Variants in SDK2 observed in about 807,000 individuals in gnomAD.
SDK2 encodes the protein protein sidekick-2.
Under a neutral mutation model 253.9 loss-of-function variants are expected in SDK2, and 105 were observed. That is an observed-to-expected ratio of 0.41 (90% CI 0.35 to 0.49). The LOEUF (loss-of-function observed/expected upper bound fraction) is 0.49. SDK2 is among the 20% of genes least tolerant of loss of function. SDK2 has a pLI of 0.06. For missense variants in SDK2, 2,608 were observed against 3,003.0 expected (o/e 0.87, Z 3.07); for synonymous variants, 1,249 against 1,234.9 (o/e 1.01, Z -0.24).
rs141364996 is a variant in SDK2, at chr17:73,552,600, T to C, written c.65-45003A>G. Among the ~76,000 whole-genome samples the C allele has an allele frequency of 6.0e-3, 918 of 152,172 alleles. 9 individuals are homozygous for C. The highest frequency in any genetic ancestry group is 0.02 in the African/African-American group (842 of 41,504). On this transcript the variant is annotated intron_variant, in intron 1 of 44. Coordinates refer to ENST00000392650, the MANE Select transcript of SDK2 (RefSeq NM_001144952.2). ...GATTAGCTTCTCGGCACTCAAGAAG[T>C]ACGTACGAGCATCACGCCCACTTGA...
chr17:73,383,840 T>C lies in SDK2; in HGVS notation c.4705+36A>G. ...GGGAAGGTGAGGGTGACCGCCCCCA[T>C]CCCACCCATTCCTCTGGCTCCCAAG... On this transcript the variant is annotated intron_variant, in intron 33 of 44. Coordinates refer to ENST00000392650, the MANE Select transcript of SDK2 (RefSeq NM_001144952.2). The surrounding 1 kb of genome is among the most constrained non-coding windows in gnomAD (Gnocchi z 4.3). 6.2e-7 allele frequency: 1 copy of C among 1,611,322 alleles called. No individual in the cohort carries two copies. Among genetic ancestry groups the C allele is most frequent in the South Asian group, 1.1e-5 (1 of 90,978 alleles).
At chr17:73,461,293 A>G (rs540664440) in intron 3 of SDK2, among the ~76,000 whole-genome samples, 7 of 152,352 alleles carry the variant, frequency 4.6e-5, no homozygotes, top group Non-Finnish European at 1.0e-4. Flanking sequence ...GTAGGCACTG[A>G]AGGAAGACCT....
Position 73,435,762 on chromosome 17 carries a change from G to C in SDK2, c.1001-118C>G, listed in dbSNP as rs944546701. 4 of 932,186 alleles carry C rather than the reference G, an allele frequency of 4.3e-6. No homozygotes were observed. The highest frequency in any genetic ancestry group is 2.6e-5 in the Admixed American group (1 of 38,484). The allele number at this position is 932,186 out of a possible 1,614,324, so 57.7% of individuals were successfully genotyped here. On this transcript the variant is annotated intron_variant, in intron 8 of 44. Coordinates refer to ENST00000392650, the MANE Select transcript of SDK2 (RefSeq NM_001144952.2). This position sits in a 1 kb window ranked among gnomAD's most constrained non-coding sequence, Gnocchi z 5.7. The stretch of plus-strand genomic sequence containing the variant: ...GCGAGGGGGTCCCTGGTGAATCTTG[G>C]TGTCTAGAACCTTCTCAGAGGTGCC...
At chr17:73,345,967 G>A (rs1346376817) in intron 44 of SDK2, among the ~76,000 whole-genome samples, 5 of 152,188 alleles carry the variant, frequency 3.3e-5, no homozygotes, top group African/African-American at 1.2e-4. Context: ...AGCATTTTGT[G>A]AGGCCGAGGT....
chr17:73,404,438 A>T (rs1038694931), intron 18 of SDK2, among the ~76,000 whole-genome samples: 3 of 152,192 alleles, frequency 2.0e-5, no homozygotes, highest in Non-Finnish European at 4.4e-5. Flanking sequence ...CTCAACACAC[A>T]ACAGGGCTTC....
chr17:73,485,834 T>C (rs1279576474), intron 2 of SDK2, among the ~76,000 whole-genome samples: 1 of 152,234 alleles, frequency 6.6e-6, no homozygotes, highest in Non-Finnish European at 1.5e-5. Context: ...CTGTGTGGCC[T>C]GTGAACCCTC....
At position 73,383,770 on chromosome 17, in the gene SDK2, A is replaced by G. The variant is rs75729034; in HGVS notation, c.4705+106T>C. On this transcript the variant is annotated intron_variant, in intron 33 of 44. Coordinates refer to ENST00000392650, the MANE Select transcript of SDK2 (RefSeq NM_001144952.2). This position sits in a 1 kb window ranked among gnomAD's most constrained non-coding sequence, Gnocchi z 4.3. ...GAGGCACACATGGAGGAGGGAGGCA[A>G]GGTTTCAGGTTAGAGTGGTTCCAGG... 6,228 of 1,396,528 alleles carry G rather than the reference A, an allele frequency of 4.5e-3. 170 individuals carry two copies. The East Asian group carries it at 0.079, about 18-fold the overall frequency. 86.5% of individuals were successfully genotyped at this position (1,396,528 alleles called of 1,614,324 possible). A position where few individuals can be genotyped will look rare whatever the true frequency, so the allele number is the denominator to read the frequency against.
chr17:73,537,166 C>T (rs2044789229), intron 1 of SDK2, among the ~76,000 whole-genome samples: 1 of 152,200 alleles, frequency 6.6e-6, no homozygotes, highest in Non-Finnish European at 1.5e-5. Context: ...AATACTCAGC[C>T]GCAGATATTA....
At chr17:73,588,342 G>A (rs2045633408) in intron 1 of SDK2, among the ~76,000 whole-genome samples, 1 of 142,276 alleles carries the variant, frequency 7.0e-6, no homozygotes, top group African/African-American at 2.7e-5. Flanking sequence ...AGCCGAGATC[G>A]CGCCTTTGCA....
chr17:73,422,193 A>T, intron 15 of SDK2, 94 bp downstream of exon 15: 1 of 1,409,118 alleles, frequency 7.1e-7, no homozygotes, highest in Admixed American at 2.0e-5. Context: ...GGGGGCCAGG[A>T]GGAGCTGAGC....
Position 73,401,143 on chromosome 17 carries a change from T to A in SDK2, c.2848A>T (p.Thr950Ser). ...AGGCCCGTGACACGGTACTCCAGGG[T>A]CACGTTGGGCAGGTAGTGGGTCACA... ...TRVTHYLPNV[T>S]LEYRVTGLTA... The change falls in exon 21 of 45, where the codon ACC (threonine) becomes TCC (serine). Residue 950 changes from threonine (T) to serine (S), a missense_variant. Thr to Ser is a moderately conservative substitution (Grantham distance 58, BLOSUM62 1). Transcript: ENST00000392650. The A allele has an allele frequency of 6.4e-7, 1 of 1,560,764 alleles. No homozygotes were observed. Among genetic ancestry groups the A allele is most frequent in the Non-Finnish European group, 8.7e-7 (1 of 1,152,322 alleles).
At chr17:73,595,342 G>A (rs2045742010) in intron 1 of SDK2, among the ~76,000 whole-genome samples, 1 of 152,134 alleles carries the variant, frequency 6.6e-6, no homozygotes, top group Non-Finnish European at 1.5e-5. Flanking sequence ...CGTTTGTGGT[G>A]AGACTCTCTT....
intron 1 of SDK2, among the ~76,000 whole-genome samples, chr17:73,593,081 C>A (rs1470312825): frequency 6.6e-6 from 1 of 152,104 alleles, no homozygotes; most frequent in East Asian, 1.9e-4. Context: ...TGTTTCTAAG[C>A]TTACCGCGCA....
chr17:73,518,474 G>C (rs998100714), intron 1 of SDK2: 1 of 152,238 alleles, frequency 6.6e-6, no homozygotes, highest in Non-Finnish European at 1.5e-5. Context: ...GCTTGGTGCA[G>C]CCTCTGCAAG....
chr17:73,392,643 T>TATTTA (rs148397224), intron 27 of SDK2, among the ~76,000 whole-genome samples: 5,350 of 152,208 alleles, frequency 0.035, 268 homozygotes, highest in African/African-American at 0.11. Flanking sequence ...GGATAGAACA[T>TATTTA]ATTTAACGGT....
Position 73,472,166 on chromosome 17 carries a change from C to A in SDK2, c.277G>T (p.Val93Leu). ...AGCAGGGCCCCCATTCGGTTCCGCA[C>A]GATGCAACGGTAAAAGCCAGCGTGG... The part of the protein sequence containing the change: ...RTHAGFYRCI[V>L]RNRMGALLQR... Residue 93 changes from valine (V) to leucine (L), a missense_variant, in exon 3 of 45, where the codon GTG becomes TTG. Transcript: ENST00000392650. 6.4e-7 allele frequency: 1 copy of A among 1,551,664 alleles called. No individual in the cohort carries two copies. Among genetic ancestry groups the A allele is most frequent in the Non-Finnish European group, 8.7e-7 (1 of 1,146,998 alleles).
chr17:73,644,190 G>T lies in SDK2; in HGVS notation c.-102C>A. ...CCCCGTGGCTTAGTCCCAGGAAACAGTCAGTCTACGCGGCTCCGTGCCCCG... is the reference window on the plus strand; with the variant it reads ...CCCCGTGGCTTAGTCCCAGGAAACATTCAGTCTACGCGGCTCCGTGCCCCG... On this transcript the variant is annotated 5_prime_UTR_variant, in exon 1 of 45. In the 5' UTR this introduces an upstream ATG that the reference lacks. Transcript: ENST00000392650. The surrounding 1 kb of genome is among the most constrained non-coding windows in gnomAD (Gnocchi z 6.3). 1.0e-6 allele frequency: 1 copy of T among 977,542 alleles called. No homozygotes were observed. Among genetic ancestry groups the T allele is most frequent in the Non-Finnish European group, 1.6e-6 (1 of 633,590 alleles). 60.6% of individuals were successfully genotyped at this position (977,542 alleles called of 1,614,324 possible).
chr17:73,362,714 T>C (rs1463361390), intron 38 of SDK2, among the ~76,000 whole-genome samples: 1 of 152,114 alleles, frequency 6.6e-6, no homozygotes, highest in East Asian at 1.9e-4. Flanking sequence ...AGGGCAAAAG[T>C]GAGGATGCCT....
In SDK2 at chr17:73,638,480, G is replaced by A. The variant is rs186224728; in HGVS notation, c.64+5545C>T. 2.5e-3 allele frequency among the ~76,000 whole-genome samples: 377 copies of A among 152,298 alleles called. 1 individual carries two copies. The highest frequency in any genetic ancestry group is 3.8e-3 in the Admixed American group (58 of 15,306). ...AGACATATTAGGAGGAAGTCCTGGA[G>A]GAAACAAGGGTGAACTTTGTAGACA... On this transcript the variant is annotated intron_variant, in intron 1 of 44. Coordinates refer to ENST00000392650, the MANE Select transcript of SDK2 (RefSeq NM_001144952.2).
Sources: allele counts gnomAD v4.1 joint callset (sites outside exome capture counted in the v4.1 genomes callset), GRCh38; gene constraint gnomAD v4.1.1; non-coding constraint Gnocchi (gnomAD v3.1); transcripts MANE v1.5; gene names NCBI Gene and HGNC (gene_info 2026-07-23, HGNC 2026-07-21).